Variants in NUMA1 observed in about 807,000 individuals in gnomAD.
NUMA1 encodes the protein SP-H antigen.
In NUMA1, 62 loss-of-function variants were observed where a neutral mutation model predicts 237.1. The observed-to-expected ratio is 0.26, with a 90% CI of 0.21 to 0.32. NUMA1 has a LOEUF of 0.32. Among genes scored for constraint, NUMA1 ranks in the 10% least tolerant of loss-of-function variants. The probability of loss-of-function intolerance (pLI) is 1.00; values close to 1 mark genes in which losing one functional copy is unlikely to be tolerated. For missense variants in NUMA1, 2,533 were observed against 2,666.5 expected (o/e 0.95, Z 1.10); for synonymous variants, 1,028 against 1,066.1 (o/e 0.96, Z 0.70).
At chr11:72,027,185 G>T (rs1939697296) in intron 4 of NUMA1, among the ~76,000 whole-genome samples, 1 of 152,164 alleles carries the variant, frequency 6.6e-6, no homozygotes. Context: ...AAAAAAGCAT[G>T]CTGCCCCATA....
chr11:72,014,180 T>C lies in NUMA1; in HGVS notation c.3323A>G (p.Gln1108Arg). The change falls in exon 15 of 27, where the codon CAA becomes CGA. Residue 1108 changes from glutamine to arginine, a missense_variant. Transcript: ENST00000393695. The surrounding 1 kb of genome is among the most constrained non-coding windows in gnomAD (Gnocchi z 4.6). ...CTCTGTCCTGCCAGCAGCCTCAGAT[T>C]GGGCTCCTGAGCCAGATGCGTGCTC... ...EKEHASGSGA[Q>R]SEAAGRTEPT... The C allele has an allele frequency of 6.2e-7, 1 of 1,613,912 alleles. No homozygotes were observed. Among genetic ancestry groups the C allele is most frequent in the Non-Finnish European group, 8.5e-7 (1 of 1,180,038 alleles).
chr11:72,008,724 A>C lies in NUMA1; in HGVS notation c.5180T>G (p.Leu1727Arg). ...QLDLSIDSLD[L>R]SCEEGTPLSI... is the part of the protein sequence containing the mutation. The stretch of plus-strand genomic sequence containing the variant: ...GAGTGGGGTCCCCTCCTCGCAGCTC[A>C]GATCCAGGCTGTCAATACTCAAGTC... The change falls in exon 20 of 27, where the codon CTG (leucine) becomes CGG (arginine). Residue 1727 changes from leucine (L) to arginine (R), a missense_variant. Leu to Arg is a moderately radical substitution (Grantham distance 102). Around this residue, in one of 3 missense-constraint regions of NUMA1, gnomAD observed 795 missense variants for 750.8 expected, o/e 1.06. Coordinates refer to ENST00000393695, the MANE Select transcript of NUMA1 (RefSeq NM_006185.4). The C allele has an allele frequency of 6.2e-7, 1 of 1,614,070 alleles. No individual in the cohort carries two copies. The highest frequency in any genetic ancestry group is 8.5e-7 in the Non-Finnish European group (1 of 1,180,008).
chr11:72,033,015 CAT>C (rs988859357), intron 3 of NUMA1, among the ~76,000 whole-genome samples: 1 of 151,992 alleles, frequency 6.6e-6, no homozygotes, highest in Non-Finnish European at 1.5e-5. Flanking sequence ...TTGGAATTAT[CAT>C]GTGTGTGTAT....
Position 72,009,377 on chromosome 11 carries a change from G to A in NUMA1, c.4730C>T (p.Ala1577Val). Residue 1577 changes from alanine to valine, a missense_variant, in exon 18 of 27, where the codon GCT becomes GTT. Transcript: ENST00000393695. ...CTCCTGCTGGCTCTCGCCTCCCTGA[G>A]CCTGGACAGCCTGAGAAGAAAGGCC... Reference protein sequence around the residue: ...VQQQKLKAVQAQGGESQQEAQ... With the variant: ...VQQQKLKAVQVQGGESQQEAQ... 1 of 1,605,048 alleles carries A rather than the reference G, an allele frequency of 6.2e-7. No individual in the cohort carries two copies. The highest frequency in any genetic ancestry group is 8.5e-7 in the Non-Finnish European group (1 of 1,178,246).
chr11:72,008,131 A>G (rs1344782977), intron 20 of NUMA1: 3 of 479,428 alleles, frequency 6.3e-6, no homozygotes, highest in Non-Finnish European at 1.2e-5. Context: ...TATAATTGTC[A>G]TGAGTGCTTT....
intron 2 of NUMA1, among the ~76,000 whole-genome samples, chr11:72,053,442 T>G (rs1942473931): frequency 1.3e-5 from 2 of 152,250 alleles, no homozygotes; most frequent in Admixed American, 1.3e-4. Context: ...ACTTCTTGAA[T>G]GAATGAAAGG....
chr11:72,044,607 G>T (rs867802484), intron 2 of NUMA1, among the ~76,000 whole-genome samples: 8 of 151,760 alleles, frequency 5.3e-5, no homozygotes, highest in Non-Finnish European at 1.0e-4. Flanking sequence ...TACTTTGGGG[G>T]GGGGGAGGAG....
In NUMA1 at chr11:72,014,709, T is replaced by A; in HGVS notation, c.2794A>T (p.Thr932Ser). ...LVRKAGEQQE[T>S]ASRELVKEPA... is the part of the protein sequence containing the mutation. ...TCCTTGACTAACTCCCGGGAGGCTG[T>A]TTCCTGCTGCTCACCTGCCTTGCGC... The change falls in exon 15 of 27, where the codon ACA becomes TCA. Residue 932 changes from threonine to serine, a missense_variant. Coordinates refer to ENST00000393695, the MANE Select transcript of NUMA1 (RefSeq NM_006185.4). This position sits in a 1 kb window ranked among gnomAD's most constrained non-coding sequence, Gnocchi z 4.6. The A allele has an allele frequency of 6.2e-7, 1 of 1,613,944 alleles. No homozygotes were observed. Among genetic ancestry groups the A allele is most frequent in the Non-Finnish European group, 8.5e-7 (1 of 1,180,030 alleles).
intron 1 of NUMA1, among the ~76,000 whole-genome samples, chr11:72,077,086 T>C (rs535748436): frequency 6.6e-6 from 1 of 151,770 alleles, no homozygotes; most frequent in Non-Finnish European, 1.5e-5. Context: ...AAGGAAATTA[T>C]CCAGAAGTTA....
chr11:72,041,293 A>G (rs533362030), intron 2 of NUMA1: 2 of 152,412 alleles, frequency 1.3e-5, no homozygotes, highest in African/African-American at 4.8e-5. Flanking sequence ...GGCTTGGTCC[A>G]CGAACAAGAA....
chr11:72,009,414 C>G lies in NUMA1; in HGVS notation c.4720-27G>C, dbSNP rs775234255. 1.9e-6 allele frequency: 3 copies of G among 1,578,006 alleles called. No homozygotes were observed. In the African/African-American group the frequency reaches 4.0e-5, roughly 21 times the overall value. On this transcript the variant is annotated intron_variant, in intron 17 of 26. Transcript: ENST00000393695. ...TGAGAAGAAAGGCCACTCAGGAAAG[C>G]TGGTCTGGCCGCTCTACCCAAGTCC...
In NUMA1 at chr11:72,060,907, T is replaced by C. The variant is rs574860820; in HGVS notation, c.-33+8935A>G. The stretch of plus-strand genomic sequence containing the variant: ...CAACATGGTGAAACCCCATCTCTAC[T>C]AAAAATACAAAAATTAGCTGGCCGT... On this transcript the variant is annotated intron_variant, in intron 2 of 26. Transcript: ENST00000393695. 1.4e-4 allele frequency among the ~76,000 whole-genome samples: 21 copies of C among 151,498 alleles called. No individual in the cohort carries two copies. The East Asian group carries it at 3.2e-3, about 23-fold the overall frequency.
intron 3 of NUMA1, among the ~76,000 whole-genome samples, chr11:72,034,781 G>C (rs1940808061): frequency 6.6e-6 from 1 of 151,808 alleles, no homozygotes; most frequent in Non-Finnish European, 1.5e-5. Context: ...GTGATTCTAT[G>C]CTGGGCATGT....
At chr11:72,005,084 G>A in intron 23 of NUMA1, 149 bp downstream of exon 23, 1 of 974,002 alleles carries the variant, frequency 1.0e-6, no homozygotes, top group Non-Finnish European at 1.5e-6. Flanking sequence ...CCTCCCAGCT[G>A]TCTGTTCCAC....
intron 2 of NUMA1, among the ~76,000 whole-genome samples, chr11:72,054,168 A>T (rs753307858): frequency 6.6e-6 from 1 of 152,158 alleles, no homozygotes; most frequent in East Asian, 1.9e-4. Flanking sequence ...AAAAAGCAAG[A>T]TAAGAATGTA....
intron 16 of NUMA1, chr11:72,012,134 G>A (rs1346906787): frequency 6.6e-6 from 3 of 452,722 alleles, no homozygotes; most frequent in Non-Finnish European, 1.2e-5. Flanking sequence ...GAAAGATGAA[G>A]CCAGTGCTAC....
rs200448857 is a variant in NUMA1, at chr11:72,024,364, A to G, written c.129-11T>C. 1.2e-5 allele frequency: 20 copies of G among 1,613,134 alleles called. No individual in the cohort carries two copies. Among genetic ancestry groups the G allele is most frequent in the East Asian group, 2.2e-5 (1 of 44,882 alleles). On this transcript the variant is annotated splice_polypyrimidine_tract_variant and intron_variant, in intron 4 of 26. Transcript: ENST00000393695. The stretch of plus-strand genomic sequence containing the variant: ...TCTTCAGTGCCATGGCTAGAAAAAG[A>G]GCAAGTATTAGGACCAGAGTATTCA...
chr11:72,068,994 T>C (rs1943327312), intron 2 of NUMA1, among the ~76,000 whole-genome samples: 1 of 152,164 alleles, frequency 6.6e-6, no homozygotes, highest in South Asian at 2.1e-4. Context: ...GAGTAAAGAT[T>C]TGCTACCTCT....
intron 22 of NUMA1, chr11:72,005,615 C>T (rs2845860): frequency 0.94 from 495,918 of 525,046 alleles, 235,023 homozygotes; most frequent in Non-Finnish European, 0.98. Flanking sequence ...CTACATCTTA[C>T]TCACCTGCCA....
Sources: allele counts gnomAD v4.1 joint callset (sites outside exome capture counted in the v4.1 genomes callset), GRCh38; gene constraint gnomAD v4.1.1; regional missense constraint gnomAD v4.1.1; non-coding constraint Gnocchi (gnomAD v3.1); transcripts MANE v1.5; gene names NCBI Gene and HGNC (gene_info 2026-07-23, HGNC 2026-07-21).